Variants in KCNIP4 observed in about 807,000 individuals in gnomAD.
The protein encoded by KCNIP4 is potassium voltage-gated channel interacting protein 4, also known as Kv channel-interacting protein 4.
A neutral mutation model predicts 34.0 loss-of-function variants in KCNIP4; 12 were observed. That is an observed-to-expected ratio of 0.35 (90% CI 0.23 to 0.57). The LOEUF is 0.57. KCNIP4 is among the 20% of genes least tolerant of loss of function. KCNIP4 has a pLI of 0.83. For synonymous variants in KCNIP4, 124 were observed against 102.2 expected (o/e 1.21, Z -1.29); for missense variants, 238 against 311.7 (o/e 0.76, Z 1.78).
At chr4:20,863,522 G>A (rs758747329) in intron 2 of KCNIP4, among the ~76,000 whole-genome samples, 51 of 152,284 alleles carry the variant, frequency 3.3e-4, no homozygotes, top group Admixed American at 1.6e-3. Context: ...TGGCTAATTT[G>A]TTAGTCCTGT....
intron 1 of KCNIP4, among the ~76,000 whole-genome samples, chr4:21,412,303 A>C (rs1724578238): frequency 6.6e-6 from 1 of 152,098 alleles, no homozygotes; most frequent in South Asian, 2.1e-4. Context: ...CTCATGAAAA[A>C]GCCCTCTGAT....
chr4:21,156,890 T>A (rs1577802878), intron 1 of KCNIP4, among the ~76,000 whole-genome samples: 1 of 152,138 alleles, frequency 6.6e-6, no homozygotes, highest in South Asian at 2.1e-4. Context: ...ATGGGTAATA[T>A]GCATTCTACA....
chr4:21,110,504 A>T (rs1749065581), intron 1 of KCNIP4, among the ~76,000 whole-genome samples: 1 of 152,246 alleles, frequency 6.6e-6, no homozygotes, highest in Non-Finnish European at 1.5e-5. Flanking sequence ...TTAGTGCTAT[A>T]GTATTCTATT....
At chr4:20,930,626 T>C (rs866015430) in intron 1 of KCNIP4, among the ~76,000 whole-genome samples, 3 of 152,124 alleles carry the variant, frequency 2.0e-5, no homozygotes, top group South Asian at 2.1e-4. Flanking sequence ...AAGAGGCTAA[T>C]ATTCAACATT....
Position 21,369,749 on chromosome 4 carries a change from A to G in KCNIP4, c.62-487040T>C, listed in dbSNP as rs115215050. ...TTACAAAAGAGGAAAGTGAGGCTTA[A>G]AGAAATGCAGTTTGTTGTTTGGAGT... On this transcript the variant is annotated intron_variant, in intron 1 of 8. Coordinates refer to ENST00000382152, the MANE Select transcript of KCNIP4 (RefSeq NM_025221.6). 1.8e-3 allele frequency among the ~76,000 whole-genome samples: 266 copies of G among 147,328 alleles called. 42 individuals are homozygous for G. Among genetic ancestry groups the G allele is most frequent in the African/African-American group, 6.5e-3 (242 of 36,958 alleles).
chr4:21,290,253 T>C (rs1395558161), intron 1 of KCNIP4, among the ~76,000 whole-genome samples: 1 of 152,168 alleles, frequency 6.6e-6, no homozygotes. Context: ...TCATAACTCC[T>C]CAATGTTAAA....
At chr4:20,946,928 G>A (rs1732250759) in intron 1 of KCNIP4, among the ~76,000 whole-genome samples, 1 of 152,106 alleles carries the variant, frequency 6.6e-6, no homozygotes, top group Non-Finnish European at 1.5e-5. Context: ...CCATTCAGAT[G>A]TATTGAATAA....
At chr4:21,211,778 G>A (rs995398970) in intron 1 of KCNIP4, among the ~76,000 whole-genome samples, 7 of 151,888 alleles carry the variant, frequency 4.6e-5, no homozygotes, top group Admixed American at 1.3e-4. Flanking sequence ...AATTATATCC[G>A]GTTTACAGGT....
chr4:21,263,608 G>C (rs1761609051), intron 1 of KCNIP4, among the ~76,000 whole-genome samples: 1 of 152,220 alleles, frequency 6.6e-6, no homozygotes, highest in African/African-American at 2.4e-5. Context: ...GTTCCTGCCA[G>C]AGCCGGTGCT....
At position 21,494,375 on chromosome 4, in the gene KCNIP4, GA is replaced by G. The variant is rs34265335; in HGVS notation, c.61+454195del. Among the ~76,000 whole-genome samples, 13 of 149,684 alleles carry G rather than the reference GA, an allele frequency of 8.7e-5. 1 individual carries two copies. Among genetic ancestry groups the G allele is most frequent in the South Asian group, 4.3e-4 (2 of 4,700 alleles). ...GACAGCCAAATGGAAAATCTAATGG[GA>G]AAAAAAAAGATCTAATGCAAGACTG... On this transcript the variant is annotated intron_variant, in intron 1 of 8. Coordinates refer to ENST00000382152, the MANE Select transcript of KCNIP4 (RefSeq NM_025221.6).
intron 1 of KCNIP4, among the ~76,000 whole-genome samples, chr4:21,641,717 C>T (rs1746631421): frequency 6.6e-6 from 1 of 152,140 alleles, no homozygotes; most frequent in South Asian, 2.1e-4. Flanking sequence ...CTGTGGATAC[C>T]AGTCAGCCTC....
intron 1 of KCNIP4, among the ~76,000 whole-genome samples, chr4:21,874,457 A>C (rs993852592): frequency 6.6e-6 from 1 of 152,128 alleles, no homozygotes; most frequent in Non-Finnish European, 1.5e-5. Context: ...GACAGACATT[A>C]GAATGTATGT....
chr4:21,665,031 T>C (rs1426881125), intron 1 of KCNIP4, among the ~76,000 whole-genome samples: 1 of 152,232 alleles, frequency 6.6e-6, no homozygotes, highest in Admixed American at 6.5e-5. Context: ...GATCTATTAA[T>C]GGCTATCATA....
At chr4:20,791,877 T>C (rs868665638) in intron 3 of KCNIP4, among the ~76,000 whole-genome samples, 1 of 152,248 alleles carries the variant, frequency 6.6e-6, no homozygotes, top group African/African-American at 2.4e-5. Context: ...GATTGACCTC[T>C]CCTGAGAGAG....
chr4:21,121,919 C>T (rs1750191576), intron 1 of KCNIP4, among the ~76,000 whole-genome samples: 1 of 152,110 alleles, frequency 6.6e-6, no homozygotes, highest in Non-Finnish European at 1.5e-5. Flanking sequence ...AGGCAATGGC[C>T]ATCTTTTGAA....
chr4:21,060,548 G>A (rs1365062568), intron 1 of KCNIP4, among the ~76,000 whole-genome samples: 1 of 152,168 alleles, frequency 6.6e-6, no homozygotes, highest in Non-Finnish European at 1.5e-5. Context: ...CTTTTCAAGT[G>A]CAGAGTAATA....
intron 3 of KCNIP4, among the ~76,000 whole-genome samples, chr4:20,803,594 G>T (rs999340076): frequency 1.3e-5 from 2 of 151,056 alleles, no homozygotes; most frequent in African/African-American, 4.9e-5. Flanking sequence ...GGAGGTGGAG[G>T]CTGCCGTAAG....
intron 1 of KCNIP4, among the ~76,000 whole-genome samples, chr4:21,933,953 T>G (rs1729713261): frequency 1.3e-5 from 2 of 152,082 alleles, no homozygotes; most frequent in Non-Finnish European, 2.9e-5. Flanking sequence ...AACAATTAAT[T>G]AAAACTGCTT....
At chr4:20,773,950 T>A (rs560368925) in intron 3 of KCNIP4, among the ~76,000 whole-genome samples, 1 of 152,158 alleles carries the variant, frequency 6.6e-6, no homozygotes, top group Non-Finnish European at 1.5e-5. Flanking sequence ...TTCCAAAGCT[T>A]GAGTCTGAAA....
Sources: allele counts gnomAD v4.1 joint callset (sites outside exome capture counted in the v4.1 genomes callset), GRCh38; gene constraint gnomAD v4.1.1; transcripts MANE v1.5; gene names NCBI Gene and HGNC (gene_info 2026-07-23, HGNC 2026-07-21).